LINGO2: variants seen among roughly 807,000 people sequenced by gnomAD.
LINGO2 encodes leucine rich repeat and Ig domain containing 2, also known as leucine-rich repeat and immunoglobulin-like domain-containing nogo receptor-interacting protein 2.
In LINGO2, 14 loss-of-function variants were observed where a neutral mutation model predicts 30.6. The observed-to-expected ratio is 0.46, with a 90% CI of 0.30 to 0.72. The LOEUF is 0.72. Among genes scored for constraint, LINGO2 ranks in the 30% least tolerant of loss-of-function variants. LINGO2 has a pLI of 0.07. For missense variants in LINGO2, 729 were observed against 751.7 expected (o/e 0.97, Z 0.35); for synonymous variants, 317 against 288.5 (o/e 1.10, Z -1.00).
chr9:28,650,766 C>T (rs550340448), intron 1 of LINGO2, among the ~76,000 whole-genome samples: 1 of 152,172 alleles, frequency 6.6e-6, no homozygotes, highest in Non-Finnish European at 1.5e-5. Context: ...ATAAATAGGA[C>T]TTATATTTTC....
chr9:28,149,205 G>C, intron 4 of LINGO2: 1 of 1,187,784 alleles, frequency 8.4e-7, no homozygotes, highest in Non-Finnish European at 1.2e-6. Context: ...AAGAAGAGAT[G>C]GTAGGGCAGG....
rs533729057 is a variant in LINGO2 at position 28,196,872 on chromosome 9, A to C, written c.-87+98336T>G. Among the ~76,000 whole-genome samples the C allele has an allele frequency of 9.9e-5, 15 of 152,164 alleles. No individual in the cohort carries two copies. In the East Asian group the frequency reaches 1.4e-3, roughly 14 times the overall value. On this transcript the variant is annotated intron_variant, in intron 4 of 5. Coordinates refer to ENST00000379992, the Ensembl canonical transcript of LINGO2. The stretch of plus-strand genomic sequence containing the variant: ...AAATATTCAAATGGAGATAAAGGGT[A>C]GAATGATGGCTTCCAGAGGCCAGGA...
At chr9:29,013,326 C>T in the LINGO2 span, among the ~76,000 whole-genome samples, 1 of 151,964 alleles carries the variant, frequency 6.6e-6, no homozygotes, top group Non-Finnish European at 1.5e-5. Flanking sequence ...AACAAAGTAC[C>T]TTACTCACTT....
chr9:28,576,928 T>G (rs1469803896), intron 1 of LINGO2, among the ~76,000 whole-genome samples: 1 of 152,166 alleles, frequency 6.6e-6, no homozygotes, highest in African/African-American at 2.4e-5. Context: ...GCAAAATTTT[T>G]TAAATCGCTT....
At chr9:28,276,420 T>C (rs1319414597) in intron 4 of LINGO2, among the ~76,000 whole-genome samples, 1 of 152,218 alleles carries the variant, frequency 6.6e-6, no homozygotes, top group Non-Finnish European at 1.5e-5. Context: ...CATTACTCCA[T>C]GTCTCAGTTA....
intron 1 of LINGO2, among the ~76,000 whole-genome samples, chr9:28,553,092 TCTC>T (rs1212036068): frequency 3.9e-5 from 6 of 152,026 alleles, no homozygotes; most frequent in Non-Finnish European, 7.4e-5. Context: ...GCAGAGCACC[TCTC>T]CTCCTCCAAA....
At chr9:28,171,531 A>T (rs1306784467) in intron 4 of LINGO2, among the ~76,000 whole-genome samples, 3 of 152,110 alleles carry the variant, frequency 2.0e-5, no homozygotes, top group African/African-American at 7.2e-5. Context: ...AACACTAAAA[A>T]AATGAAGCAC....
At chr9:28,251,013 A>T (rs544544514) in intron 4 of LINGO2, among the ~76,000 whole-genome samples, 2 of 152,264 alleles carry the variant, frequency 1.3e-5, no homozygotes, top group South Asian at 4.2e-4. Context: ...GGCAATCACA[A>T]GGTGTTCTCC....
chr9:28,144,232 A>G (rs1827752521), intron 4 of LINGO2, among the ~76,000 whole-genome samples: 1 of 152,208 alleles, frequency 6.6e-6, no homozygotes, highest in Non-Finnish European at 1.5e-5. Context: ...GGTAAATGGC[A>G]TATATAATTT....
the LINGO2 span, among the ~76,000 whole-genome samples, chr9:28,986,497 A>G: frequency 0.021 from 3,218 of 152,138 alleles, 96 homozygotes; most frequent in African/African-American, 0.072. Context: ...AATACTTCCA[A>G]TATATAAACA....
At chr9:28,387,499 C>G (rs573721234) in intron 2 of LINGO2, among the ~76,000 whole-genome samples, 1 of 152,292 alleles carries the variant, frequency 6.6e-6, no homozygotes, top group East Asian at 1.9e-4. Flanking sequence ...GCCCCTTCCA[C>G]GTTGTAGAAG....
intron 2 of LINGO2, among the ~76,000 whole-genome samples, chr9:28,406,798 T>A (rs2150853): frequency 0.92 from 140,089 of 152,216 alleles, 64,596 homozygotes; most frequent in East Asian, 1. Flanking sequence ...CTAGATTTTA[T>A]AAAGGTACTG....
the LINGO2 span, among the ~76,000 whole-genome samples, chr9:28,796,508 T>C: frequency 6.6e-6 from 1 of 152,084 alleles, no homozygotes; most frequent in South Asian, 2.1e-4. Context: ...TGAATAATTT[T>C]ATGACGAAAA....
At chr9:28,732,372 A>T in the LINGO2 span, among the ~76,000 whole-genome samples, 1,413 of 152,194 alleles carry the variant, frequency 9.3e-3, 26 homozygotes, top group East Asian at 0.072. Context: ...ATGAAAAAAA[A>T]AATCCAACAC....
intron 4 of LINGO2, among the ~76,000 whole-genome samples, chr9:28,117,800 G>C (rs965603791): frequency 2.6e-5 from 4 of 151,070 alleles, no homozygotes; most frequent in African/African-American, 9.7e-5. Context: ...ACTGGCCTGC[G>C]CCCACTGTCT....
intron 2 of LINGO2, among the ~76,000 whole-genome samples, chr9:28,450,820 T>A (rs1440800340): frequency 6.6e-6 from 1 of 151,974 alleles, no homozygotes; most frequent in Non-Finnish European, 1.5e-5. Flanking sequence ...ATTCCTCATA[T>A]TTCCATTTTA....
intron 5 of LINGO2, among the ~76,000 whole-genome samples, chr9:27,991,183 G>C (rs940107591): frequency 1.3e-5 from 2 of 151,936 alleles, no homozygotes; most frequent in African/African-American, 4.8e-5. Flanking sequence ...TTAGATTCAG[G>C]TACTCACACT....
At chr9:28,821,324 G>A in the LINGO2 span, among the ~76,000 whole-genome samples, 1 of 152,270 alleles carries the variant, frequency 6.6e-6, no homozygotes, top group African/African-American at 2.4e-5. Context: ...TCCAACAGAA[G>A]GAGTAGGAAA....
At chr9:28,019,837 A>G (rs1823026291) in intron 4 of LINGO2, among the ~76,000 whole-genome samples, 1 of 152,168 alleles carries the variant, frequency 6.6e-6, no homozygotes. Flanking sequence ...TTGCTGAGTA[A>G]CCTTTGGCAA....
Sources: gnomAD v4.1 joint callset for allele counts (sites outside exome capture counted in the v4.1 genomes callset) on GRCh38, gnomAD v4.1.1 for gene constraint, MANE v1.5 for transcripts, NCBI Gene and HGNC (gene_info 2026-07-23, HGNC 2026-07-21) for gene names.